CUL4A: variants seen among roughly 807,000 people sequenced by gnomAD.
CUL4A encodes the protein cullin 4A, also known as cullin-4A.
In CUL4A, 16 loss-of-function variants were observed where a neutral mutation model predicts 95.5. The observed-to-expected ratio is 0.17, with a 90% CI of 0.11 to 0.25. The LOEUF is 0.25. CUL4A is among the 10% of genes least tolerant of loss of function. The pLI, the probability that CUL4A is intolerant of heterozygous loss-of-function variation, is 1.00. For missense variants in CUL4A, 610 were observed against 937.0 expected (o/e 0.65, Z 4.56); for synonymous variants, 380 against 353.1 (o/e 1.08, Z -0.85).
Position 113,253,102 on chromosome 13 carries a change from A to G in CUL4A, c.1659A>G (p.Val553=), listed in dbSNP as rs564131859. The stretch of plus-strand genomic sequence containing the variant: ...AACAGATGATTAAACTTCAGGAAGT[A>G]TTTAAGGCATTTTATCTTGGAAAGC... ...LTPEMIKLQE[V]FKAFYLGKHS... The change falls in exon 16 of 20, where the codon GTA becomes GTG. Residue 553 remains valine (V), a synonymous_variant. Coordinates refer to ENST00000375440, the MANE Select transcript of CUL4A (RefSeq NM_001008895.4). 3.6e-5 allele frequency: 58 copies of G among 1,604,136 alleles called. No homozygotes were observed. The South Asian group carries it at 5.6e-4, about 15-fold the overall frequency.
rs2042036266 is a variant in CUL4A at position 113,253,141 on chromosome 13, A to G, written c.1698A>G (p.Lys566=). 1 of 1,607,990 alleles carries G rather than the reference A, an allele frequency of 6.2e-7. No homozygotes were observed. ...AFYLGKHSGR[K]LQWQTTLGHA... is the part of the protein sequence containing the mutation. ...ATCTTGGAAAGCACAGTGGTCGAAAACTTCAGTGGCAAACTACTTTGGGAC... is the reference window on the plus strand; with the variant it reads ...ATCTTGGAAAGCACAGTGGTCGAAAGCTTCAGTGGCAAACTACTTTGGGAC... Residue 566 remains lysine (K), a synonymous_variant, in exon 16 of 20, where the codon AAA becomes AAG. Coordinates refer to ENST00000375440, the MANE Select transcript of CUL4A (RefSeq NM_001008895.4).
chr13:113,236,450 C>T (rs757494533), intron 8 of CUL4A, among the ~76,000 whole-genome samples: 1 of 152,176 alleles, frequency 6.6e-6, no homozygotes, highest in Admixed American at 6.5e-5. Context: ...GTGTAGGAAG[C>T]AGAAGGCGGA....
In CUL4A at chr13:113,244,938, G is replaced by C. The variant is rs780956468; in HGVS notation, c.1334-11G>C. On this transcript the variant is annotated splice_polypyrimidine_tract_variant and intron_variant, in intron 12 of 19. Transcript: ENST00000375440. ...CTGATGTCTTGATTATTCTCGTCTG[G>C]TTATAAATAGGTAAAGATGTCTTTG... 1 of 1,536,202 alleles carries C rather than the reference G, an allele frequency of 6.5e-7. No homozygotes were observed. The highest frequency in any genetic ancestry group is 1.7e-5 in the Admixed American group (1 of 59,890).
intron 3 of CUL4A, among the ~76,000 whole-genome samples, chr13:113,225,040 T>C (rs1194324650): frequency 6.6e-6 from 1 of 152,146 alleles, no homozygotes; most frequent in Non-Finnish European, 1.5e-5. Flanking sequence ...GCTTTTTCTT[T>C]TTTTTTTTAG....
intron 15 of CUL4A, among the ~76,000 whole-genome samples, chr13:113,249,344 G>A (rs9549363): frequency 0.24 from 35,562 of 148,228 alleles, 4,336 homozygotes; most frequent in East Asian, 0.29. Flanking sequence ...TATTCCATCC[G>A]TGCTGTGCCA....
intron 18 of CUL4A, among the ~76,000 whole-genome samples, chr13:113,256,585 T>G (rs891755211): frequency 1.1e-4 from 16 of 152,166 alleles, no homozygotes; most frequent in African/African-American, 3.9e-4. Flanking sequence ...TTTGTTGCAG[T>G]TTTCATTTTG....
At chr13:113,259,694 C>T (rs572106930) in intron 18 of CUL4A, among the ~76,000 whole-genome samples, 2 of 152,260 alleles carry the variant, frequency 1.3e-5, no homozygotes, top group Admixed American at 1.3e-4. Flanking sequence ...TGGAATATAT[C>T]CTGATGGTCA....
intron 3 of CUL4A, among the ~76,000 whole-genome samples, chr13:113,222,054 G>T (rs1278869271): frequency 6.6e-6 from 1 of 152,216 alleles, no homozygotes; most frequent in Non-Finnish European, 1.5e-5. Flanking sequence ...AGGGAGCAGC[G>T]TGGGCAGCCC....
intron 18 of CUL4A, among the ~76,000 whole-genome samples, chr13:113,259,091 A>G (rs1392554925): frequency 6.6e-6 from 1 of 152,180 alleles, no homozygotes; most frequent in East Asian, 1.9e-4. Flanking sequence ...ATTTCCAGCC[A>G]CTTTACAAAA....
At chr13:113,240,777 G>A (rs1025994493) in intron 10 of CUL4A, among the ~76,000 whole-genome samples, 37 of 152,162 alleles carry the variant, frequency 2.4e-4, no homozygotes, top group African/African-American at 8.2e-4. Context: ...TCGGGGTTTC[G>A]GCCGAGGTCT....
At chr13:113,241,109 G>A (rs1030229928) in intron 10 of CUL4A, among the ~76,000 whole-genome samples, 12 of 152,146 alleles carry the variant, frequency 7.9e-5, no homozygotes, top group African/African-American at 2.4e-4. Flanking sequence ...ACAAGGTCTC[G>A]TACAATGATA....
intron 15 of CUL4A, among the ~76,000 whole-genome samples, chr13:113,247,471 ACTT>A (rs2041887158): frequency 2.0e-5 from 3 of 152,272 alleles, no homozygotes; most frequent in African/African-American, 4.8e-5. Context: ...AGTTCAGAGA[ACTT>A]CTTAATATCC....
intron 19 of CUL4A, among the ~76,000 whole-genome samples, 166 bp from the exon 20 acceptor site, chr13:113,263,321 C>G (rs1210522268): frequency 6.6e-6 from 1 of 152,074 alleles, no homozygotes; most frequent in Admixed American, 6.6e-5. Context: ...AAGTTTTGTT[C>G]ATTTCATAAA....
In CUL4A at chr13:113,218,885, T is replaced by C. The variant is rs1260460744; in HGVS notation, c.265-60T>C. 5.7e-6 allele frequency: 7 copies of C among 1,225,542 alleles called. No individual in the cohort carries two copies. The South Asian group carries it at 6.6e-5, about 12-fold the overall frequency. The allele number at this position is 1,225,542 out of a possible 1,614,324, so 75.9% of individuals were successfully genotyped here. A position where few individuals can be genotyped will look rare whatever the true frequency, so the allele number is the denominator to read the frequency against. The stretch of plus-strand genomic sequence containing the variant: ...ATTACAGCTATGTTAACAATAGGGT[T>C]TTTTTATGAACCAATCTGTTGTTCA... On this transcript the variant is annotated intron_variant, in intron 2 of 19. Transcript: ENST00000375440.
chr13:113,236,743 C>T (rs2139205283), intron 8 of CUL4A, 80 bp from the exon 9 acceptor site: 2 of 927,920 alleles, frequency 2.2e-6, no homozygotes, highest in South Asian at 1.5e-5. Context: ...CTGTCATAGA[C>T]AAATGCCCCC....
chr13:113,259,643 T>C (rs767981830), intron 18 of CUL4A, among the ~76,000 whole-genome samples: 4 of 152,262 alleles, frequency 2.6e-5, no homozygotes, highest in Non-Finnish European at 4.4e-5. Context: ...CTCTCACTTA[T>C]ATTCACAGAT....
At chr13:113,236,316 C>G (rs992538285) in intron 8 of CUL4A, among the ~76,000 whole-genome samples, 1 of 152,048 alleles carries the variant, frequency 6.6e-6, no homozygotes, top group South Asian at 2.1e-4. Context: ...GAGCAGCCCC[C>G]GGGAGACTGG....
chr13:113,213,503 C>T (rs998580164), intron 2 of CUL4A, among the ~76,000 whole-genome samples: 3 of 152,058 alleles, frequency 2.0e-5, no homozygotes, highest in African/African-American at 7.2e-5. Flanking sequence ...CCCACCTGAA[C>T]TCTCAGAGGT....
intron 14 of CUL4A, 27 bp downstream of exon 14, chr13:113,245,264 G>A: frequency 6.2e-7 from 1 of 1,606,752 alleles, no homozygotes; most frequent in South Asian, 1.1e-5. Flanking sequence ...AGGTAAAGCG[G>A]CTTTTTAAAA....
Sources: gnomAD v4.1 joint callset for allele counts (sites outside exome capture counted in the v4.1 genomes callset) on GRCh38, gnomAD v4.1.1 for gene constraint, MANE v1.5 for transcripts, NCBI Gene and HGNC (gene_info 2026-07-23, HGNC 2026-07-21) for gene names.